Variants in DCAF17 observed in about 807,000 individuals in gnomAD.
DCAF17 encodes DDB1- and CUL4-associated factor 17.
Under a neutral mutation model 66.0 loss-of-function variants are expected in DCAF17, and 48 were observed. The observed-to-expected ratio is 0.73, with a 90% CI of 0.58 to 0.92. The LOEUF (loss-of-function observed/expected upper bound fraction) is 0.92, where lower values mean the gene tolerates loss of function less well. DCAF17 is among the 40% of genes least tolerant of loss of function. The probability of loss-of-function intolerance (pLI) is 0.00; values close to 1 mark genes in which losing one functional copy is unlikely to be tolerated. For missense variants in DCAF17, 562 were observed against 622.8 expected, an observed-to-expected ratio of 0.90 and a Z score of 1.04; for synonymous variants, 206 against 214.6, an observed-to-expected ratio of 0.96 and a Z score of 0.35.
At position 171,477,007 on chromosome 2, in the gene DCAF17, A is replaced by G. The variant is rs114982703; in HGVS notation, c.1182+57A>G. On this transcript the variant is annotated intron_variant, in intron 11 of 13. Transcript: ENST00000375255. Reference sequence around the variant, plus strand: ...TATCATTGTCTTTCTATATAAGACTATAATATGCTAATATATTTGCCTTTG... The same window carrying G: ...TATCATTGTCTTTCTATATAAGACTGTAATATGCTAATATATTTGCCTTTG... 2,611 of 1,278,484 alleles carry G rather than the reference A, an allele frequency of 2.0e-3. 37 individuals are homozygous for G. The African/African-American group carries it at 0.032, about 16-fold the overall frequency. The allele number at this position is 1,278,484 out of a possible 1,614,324, so 79.2% of individuals were successfully genotyped here. A position where few individuals can be genotyped will look rare whatever the true frequency, so the allele number is the denominator to read the frequency against.
rs543437696 is a variant in DCAF17, at chr2:171,457,862, T to G, written c.628-109T>G. On this transcript the variant is annotated intron_variant, in intron 6 of 13. Coordinates refer to ENST00000375255, the MANE Select transcript of DCAF17 (RefSeq NM_025000.4). ...ATGAGGTTTTAATGCTAGGCGGCAG[T>G]GTTATCATAGTGACATGAATATTAA... The G allele has an allele frequency of 1.6e-5, 14 of 890,526 alleles. No individual in the cohort carries two copies. The African/African-American group carries it at 1.6e-4, about 10-fold the overall frequency. 55.2% of individuals were successfully genotyped at this position (890,526 alleles called of 1,614,324 possible).
In DCAF17 at chr2:171,468,828, T is replaced by C. The variant is rs969788178; in HGVS notation, c.839-60T>C. The C allele has an allele frequency of 3.1e-6, 5 of 1,608,866 alleles. No individual in the cohort carries two copies. The African/African-American group carries it at 6.7e-5, about 22-fold the overall frequency. ...GCAAAGAAAGGTTGAATTCAGTTAA[T>C]GAATAGTCCAGAGCCCCCAGAACAG... On this transcript the variant is annotated intron_variant, in intron 8 of 13. Transcript: ENST00000375255.
intron 8 of DCAF17, among the ~76,000 whole-genome samples, chr2:171,463,241 CAG>C (rs1379894492): frequency 7.2e-6 from 1 of 138,576 alleles, no homozygotes; most frequent in Non-Finnish European, 1.6e-5. Context: ...AAAAAAAAAA[CAG>C]AAAGAAGAAT....
chr2:171,474,327 ATTGT>A (rs1696397421), intron 10 of DCAF17: 1 of 277,816 alleles, frequency 3.6e-6, no homozygotes, highest in African/African-American at 2.2e-5. Context: ...AAGGAAGTAG[ATTGT>A]TTGAAGTAAA....
intron 8 of DCAF17, among the ~76,000 whole-genome samples, chr2:171,459,351 G>A (rs1010587575): frequency 3.3e-5 from 5 of 152,126 alleles, no homozygotes; most frequent in Non-Finnish European, 7.4e-5. Context: ...CTCAAATTCA[G>A]TAGTAGTACA....
chr2:171,449,364 T>TAA (rs933928536), intron 4 of DCAF17, among the ~76,000 whole-genome samples: 1 of 149,252 alleles, frequency 6.7e-6, no homozygotes. Flanking sequence ...TAAATAAACT[T>TAA]AAAAAAAAAA....
At chr2:171,460,229 A>G (rs1368879197) in intron 8 of DCAF17, among the ~76,000 whole-genome samples, 2 of 151,030 alleles carry the variant, frequency 1.3e-5, no homozygotes, top group Non-Finnish European at 3.0e-5. Context: ...AGGCTGAGGC[A>G]GGAGAATTGT....
chr2:171,478,196 T>G, intron 12 of DCAF17, 126 bp downstream of exon 12: 1 of 787,660 alleles, frequency 1.3e-6, no homozygotes, highest in Non-Finnish European at 2.2e-6. Flanking sequence ...GCCAGTTGGG[T>G]GGGGTTGCGC....
chr2:171,447,808 C>T (rs1694721490), intron 3 of DCAF17, among the ~76,000 whole-genome samples: 1 of 152,248 alleles, frequency 6.6e-6, no homozygotes, highest in Admixed American at 6.5e-5. Context: ...TTTTAGTCTA[C>T]AAATTAAAGA....
chr2:171,443,751 G>T, intron 3 of DCAF17, 138 bp downstream of exon 3: 1 of 632,264 alleles, frequency 1.6e-6, no homozygotes, highest in Non-Finnish European at 2.7e-6. Context: ...CAAGATGAGA[G>T]TATATCTTTT....
At position 171,480,065 on chromosome 2, in the gene DCAF17, G is replaced by A; in HGVS notation, c.1294G>A (p.Glu432Lys). The A allele has an allele frequency of 6.2e-7, 1 of 1,613,716 alleles. No homozygotes were observed. The highest frequency in any genetic ancestry group is 8.5e-7 in the Non-Finnish European group (1 of 1,179,740). The change falls in exon 13 of 14, where the codon GAG becomes AAG. Residue 432 changes from glutamate (E) to lysine (K), a missense_variant. By Grantham distance (56) the Glu-to-Lys change is moderately conservative (BLOSUM62 1). This residue lies in a region of DCAF17 where 201 missense variants were observed against 231.1 expected (regional missense o/e 0.87). Transcript: ENST00000375255. ...TTTCAAAATTGTGGACTATGAAGAT[G>A]AGTTAGATTTGCTTTCTGTGGTAGC... ...ETFKIVDYED[E>K]LDLLSVVAVT...
chr2:171,479,740 T>A, intron 12 of DCAF17: 1 of 348,056 alleles, frequency 2.9e-6, no homozygotes, highest in South Asian at 2.6e-5. Context: ...TCTTTTAAAT[T>A]TAGAGAATCT....
chr2:171,458,577 A>G, intron 8 of DCAF17, 100 bp downstream of exon 8: 2 of 966,338 alleles, frequency 2.1e-6, no homozygotes, highest in Admixed American at 4.4e-5. Flanking sequence ...CATTTATTTA[A>G]AAAACTCAAT....
intron 8 of DCAF17, among the ~76,000 whole-genome samples, chr2:171,461,261 A>G (rs1695570385): frequency 6.6e-6 from 1 of 152,084 alleles, no homozygotes; most frequent in Non-Finnish European, 1.5e-5. Flanking sequence ...CCTGGCCAAC[A>G]CAGTGAAACC....
intron 6 of DCAF17, among the ~76,000 whole-genome samples, chr2:171,457,030 G>T (rs957634501): frequency 6.6e-6 from 1 of 152,218 alleles, no homozygotes; most frequent in Non-Finnish European, 1.5e-5. Flanking sequence ...AATAGGAATG[G>T]TGAGAGTGGA....
chr2:171,443,624 T>C lies in DCAF17; in HGVS notation c.321+11T>C, dbSNP rs1370630024. ...TGGGAATGCCCAGTGGTAAGATTTGTTTTTAGAGCGTTTGTTTCTAAAGCA... is the reference window on the plus strand; with the variant it reads ...TGGGAATGCCCAGTGGTAAGATTTGCTTTTAGAGCGTTTGTTTCTAAAGCA... On this transcript the variant is annotated intron_variant, in intron 3 of 13. Coordinates refer to ENST00000375255, the MANE Select transcript of DCAF17 (RefSeq NM_025000.4). 27 of 1,606,760 alleles carry C rather than the reference T, an allele frequency of 1.7e-5. No homozygotes were observed. The highest frequency in any genetic ancestry group is 2.3e-5 in the Non-Finnish European group (27 of 1,173,896).
intron 10 of DCAF17, 89 bp downstream of exon 10, chr2:171,474,064 C>CAATT: frequency 9.7e-7 from 1 of 1,035,062 alleles, no homozygotes; most frequent in Non-Finnish European, 1.5e-6. Flanking sequence ...ACTAGTGAGC[C>CAATT]AATTAATGGA....
At chr2:171,471,516 C>A (rs1449562687) in intron 9 of DCAF17, among the ~76,000 whole-genome samples, 1 of 152,128 alleles carries the variant, frequency 6.6e-6, no homozygotes, top group Non-Finnish European at 1.5e-5. Flanking sequence ...ATTAAAGGAG[C>A]ATCTGGAGCT....
chr2:171,459,873 C>G (rs1475461229), intron 8 of DCAF17, among the ~76,000 whole-genome samples: 1 of 152,124 alleles, frequency 6.6e-6, no homozygotes, highest in Non-Finnish European at 1.5e-5. Flanking sequence ...AAATTCAGCT[C>G]TAGCAATACC....
Sources: gnomAD v4.1 joint callset for allele counts (sites outside exome capture counted in the v4.1 genomes callset) on GRCh38, gnomAD v4.1.1 for gene constraint, gnomAD v4.1.1 regional missense constraint, MANE v1.5 for transcripts, NCBI Gene and HGNC (gene_info 2026-07-23, HGNC 2026-07-21) for gene names.